Variants in SUPT7L observed in about 807,000 individuals in gnomAD.
SUPT7L encodes the protein STAGA complex 65 subunit gamma.
A neutral mutation model predicts 35.7 loss-of-function variants in SUPT7L; 15 were observed. That is an observed-to-expected ratio of 0.42 (90% CI 0.28 to 0.65). SUPT7L has a LOEUF of 0.65. SUPT7L is among the 30% of genes least tolerant of loss of function. The pLI is 0.23. For synonymous variants in SUPT7L, 168 were observed against 186.2 expected (o/e 0.90, Z 0.79); for missense variants, 434 against 522.2 (o/e 0.83, Z 1.65).
downstream of SUPT7L, among the ~76,000 whole-genome samples, chr2:27,648,718 C>A (rs191330759): frequency 2.7e-4 from 41 of 152,288 alleles, no homozygotes; most frequent in South Asian, 5.0e-3. Flanking sequence ...TGACTGCAAC[C>A]GCTGCCTCCC....
downstream of SUPT7L, chr2:27,650,331 TA>T (rs1353476403): frequency 3.7e-6 from 2 of 542,016 alleles, no homozygotes; most frequent in Non-Finnish European, 6.6e-6. Flanking sequence ...AAGTTTCTCT[TA>T]TTAGAGAAAT....
chr2:27,651,900 A>G lies in SUPT7L; in HGVS notation c.*1585T>C, dbSNP rs954544060. ...AGTGGCTCACGCCTGTAATCCCAGC[A>G]CTTTGGGAGCCCGAGGCGGGCAGAT... On this transcript the variant is annotated 3_prime_UTR_variant, in exon 6 of 6. Transcript: ENST00000337768. 2 of 152,276 alleles carry G rather than the reference A, an allele frequency of 1.3e-5. No homozygotes were observed. The highest frequency in any genetic ancestry group is 4.8e-5 in the African/African-American group (2 of 41,456). 9.4% of individuals were successfully genotyped at this position (152,276 alleles called of 1,614,324 possible). A position where few individuals can be genotyped will look rare whatever the true frequency, so the allele number is the denominator to read the frequency against.
rs368426425 is a variant in SUPT7L, at chr2:27,663,607, A to T, written c.-368T>A. ...GACCCCGAAAGCTGGTTTGTTGATT[A>T]GTGATCTAAGACCGCCGGAAGCGCT... On this transcript the variant is annotated 5_prime_UTR_variant, in exon 1 of 6. Transcript: ENST00000337768. 1.4e-6 allele frequency: 1 copy of T among 707,432 alleles called. No individual in the cohort carries two copies. The allele number at this position is 707,432 out of a possible 1,614,324, so 43.8% of individuals were successfully genotyped here. A position where few individuals can be genotyped will look rare whatever the true frequency, so the allele number is the denominator to read the frequency against.
chr2:27,653,755 C>A lies in SUPT7L; in HGVS notation c.983-8G>T, dbSNP rs534282842. 80 of 1,614,154 alleles carry A rather than the reference C, an allele frequency of 5.0e-5. No individual in the cohort carries two copies. In the East Asian group the frequency reaches 1.5e-3, roughly 31 times the overall value. The stretch of plus-strand genomic sequence containing the variant: ...AAGCATTTACCTCTGCACCTAGAAA[C>A]AGAGGAAAGATGGACATACACCAAG... On this transcript the variant is annotated splice_polypyrimidine_tract_variant and splice_region_variant and intron_variant, in intron 5 of 5. Transcript: ENST00000337768.
At chr2:27,654,298 A>G (rs1039996099) in intron 5 of SUPT7L, among the ~76,000 whole-genome samples, 2 of 152,202 alleles carry the variant, frequency 1.3e-5, no homozygotes, top group African/African-American at 2.4e-5. Context: ...CTCTCTATGT[A>G]TTCTAGCAAT....
the SUPT7L span, among the ~76,000 whole-genome samples, chr2:27,642,958 T>TATACACACAC: frequency 0.092 from 11,224 of 122,434 alleles, 643 homozygotes; most frequent in Middle Eastern, 0.14. Flanking sequence ...TATATATATA[T>TATACACACAC]ACACACACAC....
In SUPT7L at chr2:27,653,195, C is replaced by T. The variant is rs1674636894; in HGVS notation, c.*290G>A. 1 of 410,698 alleles carries T rather than the reference C, an allele frequency of 2.4e-6. No homozygotes were observed. Among genetic ancestry groups the T allele is most frequent in the Admixed American group, 4.0e-5 (1 of 24,954 alleles). The allele number at this position is 410,698 out of a possible 1,614,324, so 25.4% of individuals were successfully genotyped here. On this transcript the variant is annotated 3_prime_UTR_variant, in exon 6 of 6. Coordinates refer to ENST00000337768, the MANE Select transcript of SUPT7L (RefSeq NM_014860.3). Reference sequence around the variant, plus strand: ...TTGTACAAGATAAATGGCTGTATAACATGTCTAGTCATAGTTAAGACAACA... The same window carrying T: ...TTGTACAAGATAAATGGCTGTATAATATGTCTAGTCATAGTTAAGACAACA...
intron 5 of SUPT7L, 124 bp from the exon 6 acceptor site, chr2:27,653,871 G>T: frequency 8.1e-7 from 1 of 1,239,476 alleles, no homozygotes; most frequent in Non-Finnish European, 1.1e-6. Context: ...CTCTGATTCT[G>T]TACTTGGCTG....
intron 4 of SUPT7L, 151 bp from the exon 5 acceptor site, chr2:27,655,753 A>G (rs1674774365): frequency 1.4e-6 from 1 of 722,190 alleles, no homozygotes. Context: ...TAAGGTGCTG[A>G]GTTTGCATTT....
At chr2:27,660,491 T>C (rs111746097) in intron 3 of SUPT7L, among the ~76,000 whole-genome samples, 2,087 of 152,298 alleles carry the variant, frequency 0.014, 16 homozygotes, top group Middle Eastern at 0.034. Context: ...CCCAAAGTCT[T>C]GGGGTTACAG....
rs1467125365 is a variant in SUPT7L at position 27,662,241 on chromosome 2, AT to A, written c.-50del. On this transcript the variant is annotated 5_prime_UTR_variant, in exon 2 of 6. In the 5' UTR this introduces an upstream ATG that the reference lacks. Coordinates refer to ENST00000337768, the MANE Select transcript of SUPT7L (RefSeq NM_014860.3). ...AACAAACATTTATCAAATGCCAGGC[AT>A]TCTGTGTCGGTCAAAGACTGATAAT... 6.2e-7 allele frequency: 1 copy of A among 1,602,090 alleles called. No individual in the cohort carries two copies. The highest frequency in any genetic ancestry group is 1.7e-5 in the Admixed American group (1 of 60,010).
intron 3 of SUPT7L, among the ~76,000 whole-genome samples, chr2:27,659,389 T>G (rs1009888694): frequency 6.6e-6 from 1 of 152,218 alleles, no homozygotes; most frequent in South Asian, 2.1e-4. Flanking sequence ...TTCTGTAGTA[T>G]TCTTGCCGAA....
intron 4 of SUPT7L, among the ~76,000 whole-genome samples, chr2:27,655,869 G>T (rs1342286007): frequency 3.3e-5 from 5 of 152,180 alleles, no homozygotes; most frequent in Admixed American, 6.5e-5. Flanking sequence ...TGGGACAAAA[G>T]ATTACATTTT....
chr2:27,645,422 C>G, the SUPT7L span, among the ~76,000 whole-genome samples: 1 of 152,300 alleles, frequency 6.6e-6, no homozygotes, highest in East Asian at 1.9e-4. Context: ...CATGTTCTTC[C>G]ATATGAACTG....
downstream of SUPT7L, among the ~76,000 whole-genome samples, chr2:27,646,810 T>C (rs1200772224): frequency 6.6e-6 from 1 of 152,200 alleles, no homozygotes; most frequent in East Asian, 1.9e-4. Context: ...GCTCTATATC[T>C]AGTAGAGAAC....
intron 5 of SUPT7L, among the ~76,000 whole-genome samples, chr2:27,654,658 C>G (rs570404902): frequency 1.3e-5 from 2 of 152,286 alleles, no homozygotes; most frequent in South Asian, 4.1e-4. Flanking sequence ...GCTCCGCCTC[C>G]TGGGTTCATG....
intron 4 of SUPT7L, among the ~76,000 whole-genome samples, chr2:27,656,564 C>T (rs1674812525): frequency 6.6e-6 from 1 of 150,934 alleles, no homozygotes; most frequent in African/African-American, 2.4e-5. Context: ...ATATATATTA[C>T]AATTCCAGTC....
chr2:27,646,428 T>A (rs192321651), downstream of SUPT7L, among the ~76,000 whole-genome samples: 407 of 152,366 alleles, frequency 2.7e-3, no homozygotes, highest in African/African-American at 9.5e-3. Context: ...TATAACTGGT[T>A]TATGTTTGTA....
At chr2:27,648,903 C>T (rs1183879363), downstream of SUPT7L, among the ~76,000 whole-genome samples, 9 of 151,336 alleles carry the variant, frequency 5.9e-5, no homozygotes, top group African/African-American at 2.2e-4. Context: ...TCCCAAAGTG[C>T]TGGGATTACA....
Sources: allele counts gnomAD v4.1 joint callset (sites outside exome capture counted in the v4.1 genomes callset), GRCh38; gene constraint gnomAD v4.1.1; transcripts MANE v1.5; gene names NCBI Gene and HGNC (gene_info 2026-07-23, HGNC 2026-07-21).